Variants in HERC2 observed in about 807,000 individuals in gnomAD.
HERC2 encodes HECT and RLD domain containing E3 ubiquitin protein ligase 2.
HERC2 carries 102 observed loss-of-function variants against 537.7 expected under a neutral mutation model. The observed-to-expected ratio is 0.19, with a 90% CI of 0.16 to 0.22. The LOEUF (loss-of-function observed/expected upper bound fraction) is 0.22, where lower values mean the gene tolerates loss of function less well. Among genes scored for constraint, HERC2 ranks in the 10% least tolerant of loss-of-function variants. The pLI, the probability that HERC2 is intolerant of heterozygous loss-of-function variation, is 1.00. For missense variants in HERC2, 4,236 were observed against 6,198.2 expected (o/e 0.68, Z 10.63); for synonymous variants, 2,224 against 2,466.2 (o/e 0.90, Z 2.91).
intron 5 of HERC2, among the ~76,000 whole-genome samples, chr15:28,277,924 G>A (rs2075918791): frequency 1.3e-5 from 2 of 152,182 alleles, no homozygotes; most frequent in South Asian, 2.1e-4. Context: ...AAATGGTGTA[G>A]TATTTGCATA....
intron 4 of HERC2, among the ~76,000 whole-genome samples, chr15:28,285,269 A>C (rs538240188): frequency 1.3e-5 from 2 of 152,314 alleles, no homozygotes; most frequent in African/African-American, 4.8e-5. Context: ...CCACAAAACA[A>C]ATACTAAGTT....
rs9806328 is a variant in HERC2, at chr15:28,178,954, C to T, written c.9096G>A (p.Thr3032=). Residue 3032 remains threonine, a synonymous_variant, in exon 59 of 93, where the codon ACG becomes ACA. Coordinates refer to ENST00000261609, the MANE Select transcript of HERC2 (RefSeq NM_004667.6). ...CTGTGATCTGCCGTGGGATGGGCACCGTCCCGCTGGAAATGCCCAGCCCCA... is the reference window on the plus strand; with the variant it reads ...CTGTGATCTGCCGTGGGATGGGCACTGTCCCGCTGGAAATGCCCAGCCCCA... ...GRLGLGISSG[T]VPIPRQITAL... 37,993 of 1,614,096 alleles carry T rather than the reference C, an allele frequency of 0.024. 7,653 individuals carry two copies. In the African/African-American group the frequency reaches 0.44, roughly 19 times the overall value.
intron 20 of HERC2, among the ~76,000 whole-genome samples, chr15:28,252,789 T>C (rs1208994397): frequency 1.3e-5 from 2 of 152,178 alleles, no homozygotes; most frequent in African/African-American, 2.4e-5. Context: ...TTTTGCAAAA[T>C]AGAATTTACT....
intron 16 of HERC2, among the ~76,000 whole-genome samples, chr15:28,258,421 G>A (rs2075326452): frequency 1.3e-5 from 2 of 152,086 alleles, no homozygotes; most frequent in Admixed American, 1.3e-4. Flanking sequence ...GCCGTGAGCT[G>A]AGATCATGTC....
chr15:28,289,830 G>A (rs1441545812), intron 4 of HERC2, among the ~76,000 whole-genome samples: 1 of 151,990 alleles, frequency 6.6e-6, no homozygotes, highest in African/African-American at 2.4e-5. Flanking sequence ...GTGAGAGGAC[G>A]ACACACCTCA....
At position 28,198,661 on chromosome 15, in the gene HERC2, A is replaced by G; in HGVS notation, c.7825T>C (p.Cys2609Arg). The change falls in exon 49 of 93, where the codon TGT becomes CGT. Residue 2609 changes from cysteine to arginine, a missense_variant. Physicochemically the swap from Cys to Arg is radical, Grantham distance 180 (BLOSUM62 -3). Around this residue, in one of 27 missense-constraint regions of HERC2, gnomAD observed 606 missense variants for 884.5 expected, o/e 0.69. Coordinates refer to ENST00000261609, the MANE Select transcript of HERC2 (RefSeq NM_004667.6). ...RDGLHDLNVQ[C>R]DWQQKGGTYW... is the part of the protein sequence containing the mutation. ...GTGCCCCCTTTCTGCTGCCAGTCACACTGCACATTGAGATCATGCAATCCA... is the reference window on the plus strand; with the variant it reads ...GTGCCCCCTTTCTGCTGCCAGTCACGCTGCACATTGAGATCATGCAATCCA... 6.2e-7 allele frequency: 1 copy of G among 1,614,146 alleles called. No homozygotes were observed.
chr15:28,138,617 C>T (rs1890887053), intron 78 of HERC2, among the ~76,000 whole-genome samples: 1 of 152,224 alleles, frequency 6.6e-6, no homozygotes, highest in Admixed American at 6.5e-5. Flanking sequence ...AACATTACTG[C>T]TCATTGACAA....
In HERC2 at chr15:28,272,556, T is replaced by C. The variant is rs112949024; in HGVS notation, c.912-170A>G. ...AATCACTGAATTGACACCAAGACTTTAGCACAAGACATCGCCTTCTGCTCA... is the reference window on the plus strand; with the variant it reads ...AATCACTGAATTGACACCAAGACTTCAGCACAAGACATCGCCTTCTGCTCA... On this transcript the variant is annotated intron_variant, in intron 8 of 92. Coordinates refer to ENST00000261609, the MANE Select transcript of HERC2 (RefSeq NM_004667.6). 2.9e-3 allele frequency among the ~76,000 whole-genome samples: 437 copies of C among 152,274 alleles called. 1 individual carries two copies. Among genetic ancestry groups the C allele is most frequent in the African/African-American group, 1.0e-2 (414 of 41,552 alleles).
chr15:28,172,846 C>T (rs1894828362), intron 65 of HERC2, among the ~76,000 whole-genome samples: 1 of 152,178 alleles, frequency 6.6e-6, no homozygotes, highest in Admixed American at 6.5e-5. Context: ...ACAGAAAATA[C>T]TAGCAAATTC....
chr15:28,190,767 C>A (rs1431261629), intron 55 of HERC2, 198 bp downstream of exon 55: 1 of 577,614 alleles, frequency 1.7e-6, no homozygotes, highest in Non-Finnish European at 3.1e-6. Context: ...AATTTGTTTC[C>A]TTTTCAAGCT....
In HERC2 at chr15:28,124,994, G is replaced by T; in HGVS notation, c.12990+12C>A. 1.9e-6 allele frequency: 3 copies of T among 1,586,060 alleles called. No homozygotes were observed. Among genetic ancestry groups the T allele is most frequent in the East Asian group, 2.3e-5 (1 of 44,044 alleles). ...TGCTTGCCCCCGACCCACCCAACCTGCCCGGACTCACCTGTGCAGGGAGTT... is the reference window on the plus strand; with the variant it reads ...TGCTTGCCCCCGACCCACCCAACCTTCCCGGACTCACCTGTGCAGGGAGTT... On this transcript the variant is annotated intron_variant, in intron 84 of 92. Transcript: ENST00000261609.
At chr15:28,300,613 G>GGA (rs1156976994) in intron 2 of HERC2, among the ~76,000 whole-genome samples, 2 of 149,786 alleles carry the variant, frequency 1.3e-5, no homozygotes, top group Non-Finnish European at 3.0e-5. Context: ...CTTGAGGTCA[G>GGA]GAGTTCATGA....
chr15:28,192,003 G>T lies in HERC2; in HGVS notation c.8409C>A (p.Asp2803Glu). The change falls in exon 53 of 93, where the codon GAC becomes GAA. Residue 2803 changes from aspartate to glutamate, a missense_variant. By Grantham distance (45) the Asp-to-Glu change is conservative (BLOSUM62 2). This residue lies in a region of HERC2 where 606 missense variants were observed against 884.5 expected (regional missense o/e 0.69). Coordinates refer to ENST00000261609, the MANE Select transcript of HERC2 (RefSeq NM_004667.6). ...ATGACTGCCAGCAGGGCTCGCTGCC[G>T]TCAATGAGACGGGATGCCTGGTTCA... ...SSVNQASRLI[D>E]GSEPCWQSSG... The T allele has an allele frequency of 6.2e-7, 1 of 1,613,874 alleles. No homozygotes were observed. The highest frequency in any genetic ancestry group is 8.5e-7 in the Non-Finnish European group (1 of 1,179,998).
At chr15:28,315,376 A>G (rs1364755559) in intron 2 of HERC2, among the ~76,000 whole-genome samples, 2 of 152,270 alleles carry the variant, frequency 1.3e-5, no homozygotes, top group African/African-American at 4.8e-5. Flanking sequence ...CTGGAGCCGA[A>G]GGGCGGCTCA....
In HERC2 at chr15:28,202,116, G is replaced by A; in HGVS notation, c.7614C>T (p.Ser2538=). 6.5e-7 allele frequency: 1 copy of A among 1,527,360 alleles called. No individual in the cohort carries two copies. Among genetic ancestry groups the A allele is most frequent in the South Asian group, 1.1e-5 (1 of 88,110 alleles). 94.6% of individuals were successfully genotyped at this position (1,527,360 alleles called of 1,614,324 possible). The change falls in exon 47 of 93, where the codon TCC becomes TCT. Residue 2538 remains serine (S), a synonymous_variant. Coordinates refer to ENST00000261609, the MANE Select transcript of HERC2 (RefSeq NM_004667.6). ...CGGTCACATGGGAGGCACTGACCATGGAGTAGGCGGCATCATCCACGTCCT... is the reference window on the plus strand; with the variant it reads ...CGGTCACATGGGAGGCACTGACCATAGAGTAGGCGGCATCATCCACGTCCT... The part of the protein sequence containing the change: ...VVEDVDDAAY[S]MSTGAVVTES...
At chr15:28,187,322 G>GTT (rs869260550) in intron 55 of HERC2, among the ~76,000 whole-genome samples, 1 of 145,206 alleles carries the variant, frequency 6.9e-6, no homozygotes. Flanking sequence ...AGGAGGTCTG[G>GTT]TTTTTTTTTT....
At chr15:28,132,296 A>C in intron 80 of HERC2, 35 bp from the exon 81 acceptor site, 1 of 1,573,240 alleles carries the variant, frequency 6.4e-7, no homozygotes. Flanking sequence ...GGCCAAGCAC[A>C]ACACAAGAAG....
intron 35 of HERC2, among the ~76,000 whole-genome samples, chr15:28,224,268 C>A (rs1184767733): frequency 1.3e-5 from 2 of 151,862 alleles, no homozygotes; most frequent in Non-Finnish European, 2.9e-5. Flanking sequence ...GGAGCCCAGG[C>A]TGGAGTGCAG....
chr15:28,204,479 G>A (rs1898199424), intron 45 of HERC2, among the ~76,000 whole-genome samples: 1 of 151,992 alleles, frequency 6.6e-6, no homozygotes, highest in Non-Finnish European at 1.5e-5. Flanking sequence ...AATTAGCCAG[G>A]CGTGGTGGCA....
Sources: allele counts gnomAD v4.1 joint callset (sites outside exome capture counted in the v4.1 genomes callset), GRCh38; gene constraint gnomAD v4.1.1; regional missense constraint gnomAD v4.1.1; transcripts MANE v1.5; gene names NCBI Gene and HGNC (gene_info 2026-07-23, HGNC 2026-07-21).